UNC5D: variants seen among roughly 807,000 people sequenced by gnomAD.
UNC5D encodes the protein unc-5 netrin receptor D.
In UNC5D, 39 loss-of-function variants were observed where a neutral mutation model predicts 105.4. The ratio of observed to expected loss-of-function variants is 0.37; its 90% CI spans 0.29 to 0.48. The LOEUF is 0.48. Ranked by LOEUF, UNC5D falls within the 20% of genes least tolerant of loss-of-function variation. The pLI is 0.98. For synonymous variants in UNC5D, 452 were observed against 450.4 expected (o/e 1.00, Z -0.04); for missense variants, 991 against 1,202.4 (o/e 0.82, Z 2.60).
intron 1 of UNC5D, among the ~76,000 whole-genome samples, chr8:35,461,876 T>C (rs975178535): frequency 1.3e-5 from 2 of 152,128 alleles, no homozygotes; most frequent in Admixed American, 6.6e-5. Flanking sequence ...ATGACCAACA[T>C]TGAATAAACT....
chr8:35,781,849 T>G (rs888330992), intron 16 of UNC5D, among the ~76,000 whole-genome samples: 1 of 152,192 alleles, frequency 6.6e-6, no homozygotes, highest in Non-Finnish European at 1.5e-5. Context: ...AGGGCTCTCA[T>G]ACATTTCCAA....
intron 9 of UNC5D, among the ~76,000 whole-genome samples, chr8:35,725,455 C>T (rs1329070487): frequency 2.6e-5 from 4 of 151,986 alleles, no homozygotes; most frequent in Non-Finnish European, 5.9e-5. Flanking sequence ...GAAAGGAAAC[C>T]ATTCTAAGCT....
chr8:35,505,411 G>GA (rs1293986646), intron 1 of UNC5D, among the ~76,000 whole-genome samples: 1 of 152,154 alleles, frequency 6.6e-6, no homozygotes, highest in Non-Finnish European at 1.5e-5. Context: ...ATCAGTTCTT[G>GA]AAAAAATAGC....
At chr8:35,312,336 T>A (rs1808953544) in intron 1 of UNC5D, among the ~76,000 whole-genome samples, 1 of 152,200 alleles carries the variant, frequency 6.6e-6, no homozygotes, top group African/African-American at 2.4e-5. Flanking sequence ...AAATTACTAC[T>A]GTAGGCAAGT....
At chr8:35,558,918 G>T (rs940794031) in intron 2 of UNC5D, among the ~76,000 whole-genome samples, 2 of 152,026 alleles carry the variant, frequency 1.3e-5, no homozygotes, top group Non-Finnish European at 2.9e-5. Context: ...AAAGGTGGAG[G>T]TTGCAGTGAG....
At chr8:35,548,239 A>G (rs1586104111) in intron 1 of UNC5D, among the ~76,000 whole-genome samples, 1 of 152,280 alleles carries the variant, frequency 6.6e-6, no homozygotes, top group African/African-American at 2.4e-5. Flanking sequence ...CATCACAGTG[A>G]GATTGTTCTT....
intron 1 of UNC5D, among the ~76,000 whole-genome samples, chr8:35,266,830 T>C (rs532959913): frequency 6.6e-6 from 1 of 152,264 alleles, no homozygotes; most frequent in African/African-American, 2.4e-5. Flanking sequence ...CCTTTTTGTA[T>C]AGTTTAGCTT....
At chr8:35,428,283 C>A (rs1806378730) in intron 1 of UNC5D, among the ~76,000 whole-genome samples, 1 of 151,376 alleles carries the variant, frequency 6.6e-6, no homozygotes, top group African/African-American at 2.4e-5. Context: ...AGGGCTTAAG[C>A]AATCCTCCCA....
chr8:35,459,002 C>A (rs1003886516), intron 1 of UNC5D, among the ~76,000 whole-genome samples: 3 of 152,116 alleles, frequency 2.0e-5, no homozygotes, highest in African/African-American at 7.2e-5. Context: ...GTTTTTTGTG[C>A]CTCCTTTATT....
Position 35,748,691 on chromosome 8 carries a change from G to T in UNC5D, c.1931G>T (p.Trp644Leu), listed in dbSNP as rs1173718964. The change falls in exon 12 of 17, where the codon TGG becomes TTG. Residue 644 changes from tryptophan (W) to leucine (L), a missense_variant. Trp to Leu is a moderately conservative substitution (Grantham distance 61). Transcript: ENST00000404895. ...AAGAAGAGGACACAGCAGGGCAAAT[G>T]GGAGGTGAGACCCTTTACTTCCTTT... ...HLKKRTQQGK[W>L]EEVMSVEDES... is the part of the protein sequence containing the mutation. 3 of 1,613,044 alleles carry T rather than the reference G, an allele frequency of 1.9e-6. No homozygotes were observed. Among genetic ancestry groups the T allele is most frequent in the Non-Finnish European group, 2.5e-6 (3 of 1,179,558 alleles).
chr8:35,694,922 A>G (rs1476622101), intron 7 of UNC5D, among the ~76,000 whole-genome samples: 1 of 152,188 alleles, frequency 6.6e-6, no homozygotes, highest in Non-Finnish European at 1.5e-5. Context: ...GTGGCAGAAA[A>G]AAAATGTTTT....
intron 16 of UNC5D, among the ~76,000 whole-genome samples, chr8:35,781,103 G>A (rs1802483045): frequency 6.6e-6 from 1 of 151,984 alleles, no homozygotes; most frequent in Non-Finnish European, 1.5e-5. Flanking sequence ...TTTGGTTCTG[G>A]TCCAGTGTGG....
chr8:35,496,388 A>G (rs16884041), intron 1 of UNC5D, among the ~76,000 whole-genome samples: 25,871 of 152,164 alleles, frequency 0.17, 2,958 homozygotes, highest in African/African-American at 0.29. Flanking sequence ...AGTATAGAGA[A>G]CAGTTTGTTG....
intron 4 of UNC5D, among the ~76,000 whole-genome samples, chr8:35,620,755 T>C (rs1230838149): frequency 1.3e-5 from 2 of 152,184 alleles, no homozygotes; most frequent in African/African-American, 4.8e-5. Flanking sequence ...ATTATTGGGC[T>C]TTCATCCCTG....
chr8:35,433,255 G>T (rs987232653), intron 1 of UNC5D, among the ~76,000 whole-genome samples: 5 of 152,066 alleles, frequency 3.3e-5, no homozygotes, highest in Admixed American at 1.3e-4. Flanking sequence ...AGATCTACCT[G>T]GCACTTACAA....
intron 4 of UNC5D, among the ~76,000 whole-genome samples, chr8:35,624,493 G>T (rs913126363): frequency 1.3e-5 from 2 of 152,100 alleles, no homozygotes; most frequent in African/African-American, 2.4e-5. Flanking sequence ...ATGCACAAAA[G>T]GCCTGAGCTT....
At chr8:35,614,825 G>A (rs1820914850) in intron 4 of UNC5D, among the ~76,000 whole-genome samples, 1 of 152,028 alleles carries the variant, frequency 6.6e-6, no homozygotes, top group East Asian at 1.9e-4. Flanking sequence ...AAAAGAAAAG[G>A]AAAGAAGATA....
intron 1 of UNC5D, among the ~76,000 whole-genome samples, chr8:35,350,055 T>A (rs1563334380): frequency 6.6e-6 from 1 of 151,918 alleles, no homozygotes; most frequent in Non-Finnish European, 1.5e-5. Context: ...TAATTTAATT[T>A]AATAAATTAA....
At chr8:35,338,774 A>G (rs1465400937) in intron 1 of UNC5D, among the ~76,000 whole-genome samples, 1 of 152,016 alleles carries the variant, frequency 6.6e-6, no homozygotes, top group African/African-American at 2.4e-5. Flanking sequence ...GCCTCAGTCT[A>G]TGTTTTCCAT....
Sources: gnomAD v4.1 joint callset for allele counts (sites outside exome capture counted in the v4.1 genomes callset) on GRCh38, gnomAD v4.1.1 for gene constraint, MANE v1.5 for transcripts, NCBI Gene and HGNC (gene_info 2026-07-23, HGNC 2026-07-21) for gene names.